Variants in UST observed in about 807,000 individuals in gnomAD.
The protein encoded by UST is chondroitin sulfate 2-O-sulfotransferase.
UST carries 21 observed loss-of-function variants against 45.6 expected under a neutral mutation model. That is an observed-to-expected ratio of 0.46 (90% CI 0.33 to 0.66). The LOEUF (loss-of-function observed/expected upper bound fraction) is 0.66, where lower values mean the gene tolerates loss of function less well. Among genes scored for constraint, UST ranks in the 30% least tolerant of loss-of-function variants. UST has a pLI of 0.02. For missense variants in UST, 463 were observed against 512.4 expected (o/e 0.90, Z 0.93); for synonymous variants, 215 against 200.6 (o/e 1.07, Z -0.61).
intron 2 of UST, among the ~76,000 whole-genome samples, chr6:148,900,683 A>G (rs1779236052): frequency 6.6e-6 from 1 of 152,194 alleles, no homozygotes; most frequent in Non-Finnish European, 1.5e-5. Flanking sequence ...TTCCTGCATT[A>G]CCATATTGTA....
chr6:148,892,543 C>A (rs1165622830), intron 2 of UST, among the ~76,000 whole-genome samples: 1 of 152,018 alleles, frequency 6.6e-6, no homozygotes, highest in East Asian at 1.9e-4. Flanking sequence ...TAGCTATTAG[C>A]CTCAGGTAGC....
intron 2 of UST, among the ~76,000 whole-genome samples, chr6:148,929,995 C>A (rs1263179372): frequency 6.6e-6 from 1 of 152,102 alleles, no homozygotes; most frequent in Non-Finnish European, 1.5e-5. Flanking sequence ...CTTATTAATG[C>A]AAATCAATAA....
chr6:148,769,752 G>T (rs1776386472), intron 1 of UST, among the ~76,000 whole-genome samples: 1 of 58,768 alleles, frequency 1.7e-5, no homozygotes, highest in Non-Finnish European at 3.4e-5. Context: ...GCCTGTGTTT[G>T]TGTGTGTGTG....
At chr6:148,978,126 A>T (rs912689132) in intron 5 of UST, among the ~76,000 whole-genome samples, 8 of 152,158 alleles carry the variant, frequency 5.3e-5, no homozygotes, top group African/African-American at 1.9e-4. Flanking sequence ...TTGTCAAGAA[A>T]TTTTCACAGA....
At chr6:149,070,474 G>T (rs1776803559) in intron 7 of UST, among the ~76,000 whole-genome samples, 1 of 151,852 alleles carries the variant, frequency 6.6e-6, no homozygotes, top group Admixed American at 6.6e-5. Flanking sequence ...TTTCAATGAA[G>T]ACCATGTTAT....
chr6:148,973,571 G>T (rs1780962491), intron 5 of UST, among the ~76,000 whole-genome samples: 1 of 152,200 alleles, frequency 6.6e-6, no homozygotes, highest in Non-Finnish European at 1.5e-5. Context: ...GCGATGGGAT[G>T]AAGTTTTATA....
Position 149,034,449 on chromosome 6 carries a change from C to T in UST, c.937+12968C>T, listed in dbSNP as rs75948683. Among the ~76,000 whole-genome samples the T allele has an allele frequency of 4.0e-5, 6 of 148,788 alleles. No individual in the cohort carries two copies. In the East Asian group the frequency reaches 7.9e-4, roughly 19 times the overall value. On this transcript the variant is annotated intron_variant, in intron 7 of 7. Transcript: ENST00000367463. ...ACCCAGAGCTCTTTAAGCTCCATCG[C>T]AGCCTGCCCTCCCTTCCCCCAGAGG...
intron 5 of UST, among the ~76,000 whole-genome samples, chr6:148,988,670 G>A (rs1399745545): frequency 1.3e-5 from 2 of 151,838 alleles, no homozygotes; most frequent in Non-Finnish European, 2.9e-5. Flanking sequence ...TGGCAGGAAG[G>A]CAGATGAGGA....
At chr6:148,783,863 G>T (rs779308143) in intron 1 of UST, among the ~76,000 whole-genome samples, 2 of 152,164 alleles carry the variant, frequency 1.3e-5, no homozygotes, top group Non-Finnish European at 2.9e-5. Context: ...ACAGAAAAAT[G>T]TTGCACTATA....
chr6:149,024,559 C>A (rs1776023370), intron 7 of UST, among the ~76,000 whole-genome samples: 1 of 152,198 alleles, frequency 6.6e-6, no homozygotes, highest in Non-Finnish European at 1.5e-5. Context: ...AACACACACT[C>A]CTGGCCAGTT....
At chr6:148,789,451 TCTCACA>T (rs150405207) in intron 1 of UST, among the ~76,000 whole-genome samples, 2,003 of 132,836 alleles carry the variant, frequency 0.015, 26 homozygotes, top group African/African-American at 0.035. Flanking sequence ...TCTCTCTCTC[TCTCACA>T]CACACACACA....
At chr6:149,042,701 A>G (rs767864660) in intron 7 of UST, among the ~76,000 whole-genome samples, 2 of 152,258 alleles carry the variant, frequency 1.3e-5, no homozygotes, top group Non-Finnish European at 2.9e-5. Flanking sequence ...TGCCGTTCCT[A>G]CAACACTAAG....
chr6:149,016,499 C>T (rs1006382463), intron 5 of UST, among the ~76,000 whole-genome samples: 7 of 141,862 alleles, frequency 4.9e-5, no homozygotes, highest in African/African-American at 1.9e-4. Flanking sequence ...TTCACTCACT[C>T]ATTCAGTATC....
At chr6:148,759,608 G>A (rs1321106834) in intron 1 of UST, among the ~76,000 whole-genome samples, 4 of 151,804 alleles carry the variant, frequency 2.6e-5, no homozygotes, top group Non-Finnish European at 2.9e-5. Context: ...CAGCTCCCTG[G>A]GAGGCCGAGG....
chr6:148,820,852 CAA>C (rs1212781868), intron 1 of UST, among the ~76,000 whole-genome samples: 13 of 66,670 alleles, frequency 1.9e-4, no homozygotes, highest in African/African-American at 4.0e-4. Context: ...GACTCCATCT[CAA>C]AAAAAAAAAA....
intron 1 of UST, among the ~76,000 whole-genome samples, chr6:148,774,687 T>C (rs1028535209): frequency 6.6e-6 from 1 of 152,208 alleles, no homozygotes; most frequent in African/African-American, 2.4e-5. Context: ...GACTTTCTTT[T>C]CAGCATTTTT....
intron 1 of UST, among the ~76,000 whole-genome samples, chr6:148,797,100 A>G (rs1478769170): frequency 1.3e-5 from 2 of 152,038 alleles, no homozygotes; most frequent in Non-Finnish European, 2.9e-5. Context: ...ACCTTCTCCG[A>G]TAATTCTTAA....
intron 3 of UST, among the ~76,000 whole-genome samples, chr6:148,945,854 C>A (rs1780224331): frequency 6.6e-6 from 1 of 152,156 alleles, no homozygotes; most frequent in Admixed American, 6.5e-5. Flanking sequence ...CACATCCTCC[C>A]ACCAGTTGTA....
At chr6:148,789,367 A>G (rs1255795569) in intron 1 of UST, among the ~76,000 whole-genome samples, 3 of 151,546 alleles carry the variant, frequency 2.0e-5, no homozygotes, top group Admixed American at 1.3e-4. Flanking sequence ...GCTGCATCCA[A>G]TGGAAGCATC....
Sources: allele counts gnomAD v4.1 joint callset (sites outside exome capture counted in the v4.1 genomes callset), GRCh38; gene constraint gnomAD v4.1.1; transcripts MANE v1.5; gene names NCBI Gene and HGNC (gene_info 2026-07-23, HGNC 2026-07-21).